NRG1: variants seen among roughly 807,000 people sequenced by gnomAD.
NRG1 encodes the protein neuregulin 1.
Under a neutral mutation model 63.8 loss-of-function variants are expected in NRG1, and 18 were observed. The ratio of observed to expected loss-of-function variants is 0.28; its 90% CI spans 0.19 to 0.42. The LOEUF is 0.42. NRG1 is among the 10% of genes least tolerant of loss of function. The probability of loss-of-function intolerance (pLI) is 1.00; values close to 1 mark genes in which losing one functional copy is unlikely to be tolerated. For synonymous variants in NRG1, 302 were observed against 301.3 expected (o/e 1.00, Z -0.02); for missense variants, 762 against 814.7 (o/e 0.94, Z 0.79).
intron 1 of NRG1, among the ~76,000 whole-genome samples, chr8:31,838,670 C>G (rs1220640737): frequency 6.6e-6 from 1 of 151,944 alleles, no homozygotes; most frequent in Non-Finnish European, 1.5e-5. Flanking sequence ...TAGCTTATTC[C>G]TACATTGTTC....
At chr8:32,303,306 C>A (rs1855823775) in intron 1 of NRG1, among the ~76,000 whole-genome samples, 1 of 150,948 alleles carries the variant, frequency 6.6e-6, no homozygotes, top group Non-Finnish European at 1.5e-5. Context: ...AGAAGTCACA[C>A]ATATGCTGAA....
At chr8:31,922,578 T>G (rs1834004577) in intron 1 of NRG1, among the ~76,000 whole-genome samples, 1 of 152,214 alleles carries the variant, frequency 6.6e-6, no homozygotes, top group Admixed American at 6.5e-5. Flanking sequence ...GGTTTACTTT[T>G]ATGGGTTGAG....
Position 32,265,341 on chromosome 8 carries a change from A to T in NRG1, c.38-330487A>T, listed in dbSNP as rs112545675. Among the ~76,000 whole-genome samples, 623 of 152,100 alleles carry T rather than the reference A, an allele frequency of 4.1e-3. 8 individuals carry two copies. Among genetic ancestry groups the T allele is most frequent in the African/African-American group, 0.014 (591 of 41,484 alleles). ...CAGAGAGAGACCCTATCTAAAAAAGAATTAATTAATTAAAAAAATAATATT... is the reference window on the plus strand; with the variant it reads ...CAGAGAGAGACCCTATCTAAAAAAGTATTAATTAATTAAAAAAATAATATT... On this transcript the variant is annotated intron_variant, in intron 1 of 10. Coordinates refer to the NRG1 transcript ENST00000519301.
chr8:32,520,023 CAT>C (rs1743923173), intron 1 of NRG1, among the ~76,000 whole-genome samples: 1 of 152,180 alleles, frequency 6.6e-6, no homozygotes, highest in Admixed American at 6.5e-5. Flanking sequence ...TATACACACA[CAT>C]ACCCTCATAT....
chr8:31,950,056 G>C (rs1048924643), intron 1 of NRG1, among the ~76,000 whole-genome samples: 20 of 152,130 alleles, frequency 1.3e-4, no homozygotes, highest in African/African-American at 4.8e-4. Context: ...TCACCCCTTA[G>C]GTGGTGCTTA....
chr8:31,988,603 G>C (rs1810492221), intron 1 of NRG1, among the ~76,000 whole-genome samples: 1 of 152,006 alleles, frequency 6.6e-6, no homozygotes, highest in African/African-American at 2.4e-5. Flanking sequence ...AGGTGGGAAG[G>C]GTTATAAGAA....
In NRG1 at chr8:31,795,841, G is replaced by A. The variant is rs551129728; in HGVS notation, c.37+156410G>A. Among the ~76,000 whole-genome samples the A allele has an allele frequency of 2.0e-5, 3 of 152,264 alleles. No individual in the cohort carries two copies. In the Middle Eastern group the frequency reaches 0.01, roughly 518 times the overall value. ...TTTTTCTGGGATTTACTCTAAGGAA[G>A]CAGATTTAATGATTAAAATAATTCT... On this transcript the variant is annotated intron_variant, in intron 1 of 10. Transcript: ENST00000519301.
chr8:31,681,819 G>C (rs2131066151), intron 1 of NRG1, among the ~76,000 whole-genome samples: 1 of 151,910 alleles, frequency 6.6e-6, no homozygotes, highest in Non-Finnish European at 1.5e-5. Flanking sequence ...AGCAGGTTTA[G>C]GATCACAGCA....
intron 1 of NRG1, among the ~76,000 whole-genome samples, chr8:32,513,487 C>T (rs1158991025): frequency 6.6e-6 from 1 of 151,438 alleles, no homozygotes; most frequent in African/African-American, 2.4e-5. Context: ...GGCCTAGAAA[C>T]ATATCCATTA....
intron 1 of NRG1, among the ~76,000 whole-genome samples, chr8:32,248,510 T>C (rs1013954416): frequency 4.6e-5 from 7 of 152,096 alleles, no homozygotes; most frequent in Non-Finnish European, 8.8e-5. Flanking sequence ...TTACCAATAT[T>C]TCACTTTTCT....
chr8:32,373,526 T>G (rs1272084399), intron 1 of NRG1, among the ~76,000 whole-genome samples: 1 of 152,190 alleles, frequency 6.6e-6, no homozygotes, highest in African/African-American at 2.4e-5. Flanking sequence ...GAGACAATAT[T>G]AAGTAAATCA....
chr8:31,864,799 G>C (rs1366732585), intron 1 of NRG1, among the ~76,000 whole-genome samples: 1 of 152,148 alleles, frequency 6.6e-6, no homozygotes, highest in Non-Finnish European at 1.5e-5. Context: ...CTGCAGTGTA[G>C]AGAGCAGATT....
chr8:32,273,452 C>A (rs771337708), intron 1 of NRG1, among the ~76,000 whole-genome samples: 3 of 151,998 alleles, frequency 2.0e-5, no homozygotes, highest in Non-Finnish European at 2.9e-5. Flanking sequence ...TTTGTTGTTA[C>A]CATAAAAGTT....
In NRG1 at chr8:31,652,949, TCTCTTCTCTCCTCTCCTCTCCTCTC is replaced by T. The variant is rs1334796544; in HGVS notation, c.37+13523_37+13547del. Among the ~76,000 whole-genome samples, 121 of 34,764 alleles carry T rather than the reference TCTCTTCTCTCCTCTCCTCTCCTCTC, an allele frequency of 3.5e-3. 1 individual carries two copies. Among genetic ancestry groups the T allele is most frequent in the South Asian group, 0.016 (9 of 548 alleles). The allele number at this position is 34,764 out of a possible 152,430, so 22.8% of individuals were successfully genotyped here. On this transcript the variant is annotated intron_variant, in intron 1 of 10. Coordinates refer to the NRG1 transcript ENST00000519301. ...CTCCCTCCCTCCTTCCCTTCCTTCCTCTCTTCTCTCCTCTCCTCTCCTCTCCTCTCCTCTCCTCTCCTCTCCTCTC... is the reference window on the plus strand; with the variant it reads ...CTCCCTCCCTCCTTCCCTTCCTTCCTCTCTCCTCTCCTCTCCTCTCCTCTC...
chr8:32,199,563 A>G (rs771250538), intron 1 of NRG1, among the ~76,000 whole-genome samples: 1 of 152,172 alleles, frequency 6.6e-6, no homozygotes, highest in Non-Finnish European at 1.5e-5. Flanking sequence ...TCTTTCACAT[A>G]TGATTGGTAT....
At chr8:31,937,531 A>G (rs1277666608) in intron 1 of NRG1, among the ~76,000 whole-genome samples, 4 of 152,206 alleles carry the variant, frequency 2.6e-5, no homozygotes. Context: ...CTTTGAGGGA[A>G]CTGGATCATC....
At chr8:32,183,868 C>T (rs2132126946) in intron 1 of NRG1, among the ~76,000 whole-genome samples, 1 of 152,280 alleles carries the variant, frequency 6.6e-6, no homozygotes, top group East Asian at 1.9e-4. Flanking sequence ...AGAATCAAAG[C>T]TCCTGATACA....
At chr8:32,580,757 G>A (rs1840490250) in intron 1 of NRG1, among the ~76,000 whole-genome samples, 3 of 152,140 alleles carry the variant, frequency 2.0e-5, no homozygotes, top group Admixed American at 2.0e-4. Flanking sequence ...ATGCAGTACT[G>A]AGAATATAAT....
chr8:32,569,405 G>A (rs947674684), intron 1 of NRG1, among the ~76,000 whole-genome samples: 24 of 152,110 alleles, frequency 1.6e-4, no homozygotes, highest in Admixed American at 6.5e-5. Context: ...GCATGTATAC[G>A]TACATTTCTG....
Sources: gnomAD v4.1 joint callset for allele counts (sites outside exome capture counted in the v4.1 genomes callset) on GRCh38, gnomAD v4.1.1 for gene constraint, MANE v1.5 for transcripts, NCBI Gene and HGNC (gene_info 2026-07-23, HGNC 2026-07-21) for gene names.